The following MARCHF1 variants were observed in gnomAD, a reference collection of about 807,000 sequenced individuals.
MARCHF1 encodes the protein membrane associated ring-CH-type finger 1, also known as E3 ubiquitin-protein ligase MARCHF1.
Under a neutral mutation model 54.2 loss-of-function variants are expected in MARCHF1, and 40 were observed. The ratio of observed to expected loss-of-function variants is 0.74; its 90% CI spans 0.57 to 0.96. MARCHF1 has a LOEUF of 0.96. MARCHF1 is among the 40% of genes least tolerant of loss of function. The pLI is 0.00. For missense variants in MARCHF1, 586 were observed against 656.5 expected (o/e 0.89, Z 1.17); for synonymous variants, 236 against 236.3 (o/e 1.00, Z 0.01).
In MARCHF1 at chr4:164,370,777, G is replaced by T. The variant is rs558827241; in HGVS notation, c.-323+13093C>A. ...ACAAAAATTAGCTGGGCGTGATAGCGTGCCCCTGTAGTCCCAGCTACTTGG... is the reference window on the plus strand; with the variant it reads ...ACAAAAATTAGCTGGGCGTGATAGCTTGCCCCTGTAGTCCCAGCTACTTGG... On this transcript the variant is annotated intron_variant, in intron 1 of 9. Coordinates refer to ENST00000514618, the MANE Select transcript of MARCHF1 (RefSeq NM_001394959.1). 5.3e-5 allele frequency among the ~76,000 whole-genome samples: 8 copies of T among 152,094 alleles called. No individual in the cohort carries two copies. The South Asian group carries it at 8.3e-4, about 16-fold the overall frequency.
intron 4 of MARCHF1, among the ~76,000 whole-genome samples, chr4:163,791,507 T>A (rs1747773766): frequency 6.6e-6 from 1 of 152,158 alleles, no homozygotes; most frequent in South Asian, 2.1e-4. Flanking sequence ...AAAATTTTTT[T>A]ATGCAAGAAT....
intron 1 of MARCHF1, among the ~76,000 whole-genome samples, chr4:164,357,893 A>T (rs978567513): frequency 6.6e-6 from 1 of 152,188 alleles, no homozygotes; most frequent in Non-Finnish European, 1.5e-5. Flanking sequence ...AAAGGAAAAC[A>T]ATCATTTTCT....
intron 3 of MARCHF1, among the ~76,000 whole-genome samples, chr4:163,963,136 T>C (rs7686102): frequency 0.54 from 81,170 of 151,622 alleles, 23,209 homozygotes; most frequent in Middle Eastern, 0.68. Flanking sequence ...ATTTACAAGA[T>C]ACAACTGATT....
chr4:163,991,796 A>G (rs1752971092), intron 2 of MARCHF1, among the ~76,000 whole-genome samples: 1 of 152,124 alleles, frequency 6.6e-6, no homozygotes, highest in African/African-American at 2.4e-5. Context: ...TTCCATATAC[A>G]TGTCTAAATT....
At chr4:164,363,434 G>A (rs959988007) in intron 1 of MARCHF1, among the ~76,000 whole-genome samples, 6 of 152,224 alleles carry the variant, frequency 3.9e-5, no homozygotes, top group African/African-American at 1.4e-4. Context: ...CTTTGTGAGA[G>A]AATTCCAGGG....
intron 1 of MARCHF1, among the ~76,000 whole-genome samples, chr4:164,165,657 G>T (rs1384132778): frequency 6.6e-6 from 1 of 151,892 alleles, no homozygotes; most frequent in Non-Finnish European, 1.5e-5. Context: ...CATATTGAAG[G>T]CCTCTTGTAG....
chr4:164,247,722 C>T (rs916760092), intron 1 of MARCHF1, among the ~76,000 whole-genome samples: 6 of 150,448 alleles, frequency 4.0e-5, no homozygotes, highest in South Asian at 2.1e-4. Flanking sequence ...GATATTATGT[C>T]GCTGTTTTTT....
In MARCHF1 at chr4:163,527,467, T is replaced by TAAG. The variant is rs1362709952; in HGVS notation, c.*1278_*1280dup. 5.4e-4 allele frequency: 82 copies of TAAG among 152,158 alleles called. 1 individual carries two copies. The highest frequency in any genetic ancestry group is 1.9e-3 in the African/African-American group (81 of 41,576). The allele number at this position is 152,158 out of a possible 1,614,324, so 9.4% of individuals were successfully genotyped here. ...AATAGGTAATTTTATTCCCCTATTGTAAGTACTTCATAGTAACAATTTATT... is the reference window on the plus strand; with the variant it reads ...AATAGGTAATTTTATTCCCCTATTGTAAGAAGTACTTCATAGTAACAATTTATT... On this transcript the variant is annotated 3_prime_UTR_variant, in exon 10 of 10. Coordinates refer to ENST00000514618, the MANE Select transcript of MARCHF1 (RefSeq NM_001394959.1).
At chr4:163,535,634 C>T (rs767479564) in intron 9 of MARCHF1, among the ~76,000 whole-genome samples, 29 of 152,152 alleles carry the variant, frequency 1.9e-4, no homozygotes, top group African/African-American at 5.5e-4. Flanking sequence ...CATGGCTGGA[C>T]GCCTGTGTCC....
chr4:163,745,287 G>A (rs1411160031), intron 4 of MARCHF1, among the ~76,000 whole-genome samples: 1 of 150,940 alleles, frequency 6.6e-6, no homozygotes, highest in Non-Finnish European at 1.5e-5. Context: ...ATTTTTTTTT[G>A]TATTTTTAGT....
intron 1 of MARCHF1, among the ~76,000 whole-genome samples, chr4:164,151,443 T>C (rs962744405): frequency 3.3e-5 from 5 of 152,176 alleles, no homozygotes; most frequent in African/African-American, 1.2e-4. Context: ...AACTGAAAGA[T>C]TGAAAATAGA....
At chr4:163,740,367 A>T (rs1316077869) in intron 4 of MARCHF1, among the ~76,000 whole-genome samples, 1 of 152,252 alleles carries the variant, frequency 6.6e-6, no homozygotes, top group Non-Finnish European at 1.5e-5. Context: ...CTATCAAGTT[A>T]GTCTGCCACA....
At chr4:164,319,037 A>T (rs1376732726) in intron 1 of MARCHF1, among the ~76,000 whole-genome samples, 2 of 152,098 alleles carry the variant, frequency 1.3e-5, no homozygotes, top group Non-Finnish European at 1.5e-5. Flanking sequence ...AATTGGGTGG[A>T]CCCCAAAGAT....
intron 1 of MARCHF1, among the ~76,000 whole-genome samples, chr4:164,308,562 C>T (rs1206426373): frequency 6.6e-6 from 1 of 151,970 alleles, no homozygotes; most frequent in Admixed American, 6.5e-5. Flanking sequence ...CAGAACACCA[C>T]AACTAATTGT....
intron 3 of MARCHF1, among the ~76,000 whole-genome samples, chr4:163,986,145 A>G (rs1354481834): frequency 6.6e-6 from 1 of 151,522 alleles, no homozygotes; most frequent in Non-Finnish European, 1.5e-5. Context: ...GAAGCATTTG[A>G]AACATTATAA....
intron 4 of MARCHF1, among the ~76,000 whole-genome samples, chr4:163,711,185 C>A (rs1279893264): frequency 6.6e-6 from 1 of 152,104 alleles, no homozygotes; most frequent in African/African-American, 2.4e-5. Context: ...AAAGGAAAAT[C>A]TGCCAGTGGT....
At chr4:163,639,629 T>A (rs563542822) in intron 5 of MARCHF1, among the ~76,000 whole-genome samples, 7 of 152,284 alleles carry the variant, frequency 4.6e-5, no homozygotes, top group Non-Finnish European at 8.8e-5. Context: ...TATGCTTAGC[T>A]CCCTTCCCCA....
intron 3 of MARCHF1, among the ~76,000 whole-genome samples, chr4:163,968,959 C>T (rs368582000): frequency 2.0e-5 from 3 of 152,090 alleles, no homozygotes; most frequent in Non-Finnish European, 4.4e-5. Context: ...GAAAACAGGA[C>T]TTAGAGGTCC....
intron 3 of MARCHF1, among the ~76,000 whole-genome samples, chr4:163,931,909 T>C (rs1311871186): frequency 1.3e-5 from 2 of 152,194 alleles, no homozygotes; most frequent in Non-Finnish European, 2.9e-5. Context: ...TCTTTCTGTA[T>C]ATAAAGGCAC....
Sources: allele counts gnomAD v4.1 joint callset (sites outside exome capture counted in the v4.1 genomes callset), GRCh38; gene constraint gnomAD v4.1.1; transcripts MANE v1.5; gene names NCBI Gene and HGNC (gene_info 2026-07-23, HGNC 2026-07-21).